The following EEFSEC variants were observed in gnomAD, a reference collection of about 807,000 sequenced individuals.
EEFSEC encodes eukaryotic elongation factor, selenocysteine-tRNA specific, also known as selenocysteine-specific elongation factor.
EEFSEC carries 43 observed loss-of-function variants against 42.1 expected under a neutral mutation model. The observed-to-expected ratio is 1.02, with a 90% CI of 0.80 to 1.32. EEFSEC has a LOEUF of 1.32. Ranked by LOEUF, EEFSEC falls within the 40% of genes most tolerant of loss-of-function variation. The probability of loss-of-function intolerance (pLI) is 0.00; values close to 1 mark genes in which losing one functional copy is unlikely to be tolerated. For missense variants in EEFSEC, 745 were observed against 803.6 expected (o/e 0.93, Z 0.88); for synonymous variants, 354 against 339.1 (o/e 1.04, Z -0.48).
intron 4 of EEFSEC, among the ~76,000 whole-genome samples, chr3:128,322,401 C>T (rs543065566): frequency 3.9e-5 from 6 of 152,230 alleles, no homozygotes; most frequent in Non-Finnish European, 7.3e-5. Context: ...TTACTGCTGC[C>T]GACATCATCA....
intron 1 of EEFSEC, among the ~76,000 whole-genome samples, chr3:128,193,388 C>G (rs2065547617): frequency 6.6e-6 from 1 of 152,220 alleles, no homozygotes; most frequent in South Asian, 2.1e-4. Flanking sequence ...GCAGAGCAGG[C>G]TCCTGTGGCT....
chr3:128,338,700 G>A (rs867650963), intron 4 of EEFSEC, among the ~76,000 whole-genome samples: 1 of 152,236 alleles, frequency 6.6e-6, no homozygotes, highest in African/African-American at 2.4e-5. Flanking sequence ...CGAAAAGGCT[G>A]TGGAGTTGGG....
intron 6 of EEFSEC, among the ~76,000 whole-genome samples, chr3:128,395,492 A>C (rs1286949978): frequency 6.6e-6 from 1 of 151,904 alleles, no homozygotes; most frequent in Non-Finnish European, 1.5e-5. Flanking sequence ...AGGGCTTTTC[A>C]CTGCTGTCAT....
chr3:128,306,197 C>G (rs2066824907), intron 4 of EEFSEC, among the ~76,000 whole-genome samples: 1 of 152,008 alleles, frequency 6.6e-6, no homozygotes, highest in Admixed American at 6.6e-5. Flanking sequence ...TGTAAATGAT[C>G]CAACGGCTTT....
At chr3:128,250,740 A>C (rs960826923) in intron 2 of EEFSEC, among the ~76,000 whole-genome samples, 1 of 152,074 alleles carries the variant, frequency 6.6e-6, no homozygotes, top group Non-Finnish European at 1.5e-5. Flanking sequence ...GTTCCACATG[A>C]ATTTGAGAAT....
At position 128,297,685 on chromosome 3, in the gene EEFSEC, G is replaced by A. The variant is rs371854009; in HGVS notation, c.786+32904G>A. Among the ~76,000 whole-genome samples the A allele has an allele frequency of 9.2e-5, 14 of 152,270 alleles. No individual in the cohort carries two copies. In the East Asian group the frequency reaches 2.5e-3, roughly 27 times the overall value. On this transcript the variant is annotated intron_variant, in intron 4 of 6. Coordinates refer to ENST00000254730, the MANE Select transcript of EEFSEC (RefSeq NM_021937.5). Reference sequence around the variant, plus strand: ...TCTTGTGCAGCCTGCCCTTGATTCTGGGCTCCAGTTGCATGCCTTGTTCCC... The same window carrying A: ...TCTTGTGCAGCCTGCCCTTGATTCTAGGCTCCAGTTGCATGCCTTGTTCCC...
chr3:128,355,748 T>C (rs1161618180), intron 5 of EEFSEC, among the ~76,000 whole-genome samples: 2 of 152,188 alleles, frequency 1.3e-5, no homozygotes, highest in African/African-American at 4.8e-5. Flanking sequence ...GCAGGGAATG[T>C]AGCTATGGAG....
intron 4 of EEFSEC, among the ~76,000 whole-genome samples, chr3:128,309,742 T>C (rs2066870850): frequency 6.6e-6 from 1 of 152,164 alleles, no homozygotes; most frequent in African/African-American, 2.4e-5. Context: ...CCCCTACTCC[T>C]TCAGGTGTGG....
chr3:128,219,662 T>A (rs1249808266), intron 1 of EEFSEC, among the ~76,000 whole-genome samples: 2 of 152,222 alleles, frequency 1.3e-5, no homozygotes, highest in Non-Finnish European at 2.9e-5. Context: ...AAATATTTAT[T>A]CATTATTTGT....
chr3:128,327,408 C>G lies in EEFSEC; in HGVS notation c.787-13825C>G, dbSNP rs190781420. Among the ~76,000 whole-genome samples, 521 of 151,000 alleles carry G rather than the reference C, an allele frequency of 3.5e-3. 4 individuals carry two copies. The highest frequency in any genetic ancestry group is 0.012 in the African/African-American group (487 of 41,156). On this transcript the variant is annotated intron_variant, in intron 4 of 6. Transcript: ENST00000254730. ...GCCTCCCTCATAATACTTTCATATT[C>G]TAATGAAATATGAATACACATCATA...
At chr3:128,247,765 G>A (rs1266316036) in intron 2 of EEFSEC, among the ~76,000 whole-genome samples, 1 of 152,168 alleles carries the variant, frequency 6.6e-6, no homozygotes, top group African/African-American at 2.4e-5. Flanking sequence ...GGCATGGTGA[G>A]GAGGACCCAG....
chr3:128,248,524 C>T (rs1332293683), intron 2 of EEFSEC, among the ~76,000 whole-genome samples: 1 of 152,190 alleles, frequency 6.6e-6, no homozygotes, highest in African/African-American at 2.4e-5. Context: ...ATAAGTGTTG[C>T]ATAAGAATTC....
At chr3:128,411,512 A>T (rs557570257), downstream of EEFSEC, among the ~76,000 whole-genome samples, 3 of 151,640 alleles carry the variant, frequency 2.0e-5, no homozygotes, top group Non-Finnish European at 4.4e-5. Context: ...CTTGGAAAAG[A>T]GGTGCCCTCT....
intron 5 of EEFSEC, among the ~76,000 whole-genome samples, chr3:128,355,426 C>T (rs541034026): frequency 1.3e-4 from 20 of 152,084 alleles, no homozygotes; most frequent in African/African-American, 4.1e-4. Flanking sequence ...GAGCACCACA[C>T]AGGCGGGGAG....
chr3:128,242,943 A>T (rs1293719620), intron 1 of EEFSEC, among the ~76,000 whole-genome samples: 1 of 152,190 alleles, frequency 6.6e-6, no homozygotes, highest in Non-Finnish European at 1.5e-5. Flanking sequence ...GGGAATTGGG[A>T]AGGACACTGT....
intron 5 of EEFSEC, among the ~76,000 whole-genome samples, chr3:128,345,210 G>A (rs1197966287): frequency 6.6e-6 from 1 of 152,202 alleles, no homozygotes; most frequent in East Asian, 1.9e-4. Flanking sequence ...TGAGATCAGT[G>A]CTTGTCTCCT....
intron 1 of EEFSEC, among the ~76,000 whole-genome samples, chr3:128,212,315 T>A (rs188926459): frequency 3.0e-4 from 46 of 152,318 alleles, no homozygotes; most frequent in Admixed American, 2.9e-3. Context: ...ATCAGAGGTG[T>A]TCCTGCCACT....
chr3:128,361,435 C>T (rs1307919186), intron 6 of EEFSEC, among the ~76,000 whole-genome samples: 1 of 152,208 alleles, frequency 6.6e-6, no homozygotes, highest in East Asian at 1.9e-4. Flanking sequence ...ACTGTCTGTG[C>T]TAAACAAAGC....
rs183724769 is a variant in EEFSEC, at chr3:128,275,170, G to A, written c.786+10389G>A. Among the ~76,000 whole-genome samples, 27 of 152,282 alleles carry A rather than the reference G, an allele frequency of 1.8e-4. No individual in the cohort carries two copies. The East Asian group carries it at 4.2e-3, about 24-fold the overall frequency. On this transcript the variant is annotated intron_variant, in intron 4 of 6. Coordinates refer to ENST00000254730, the MANE Select transcript of EEFSEC (RefSeq NM_021937.5). Reference sequence around the variant, plus strand: ...GGACCTCGATACTGGGGCCCAAAGCGGTTTCCTCTCCTGGGAAATGGGTGC... The same window carrying A: ...GGACCTCGATACTGGGGCCCAAAGCAGTTTCCTCTCCTGGGAAATGGGTGC...
Sources: gnomAD v4.1 joint callset for allele counts (sites outside exome capture counted in the v4.1 genomes callset) on GRCh38, gnomAD v4.1.1 for gene constraint, MANE v1.5 for transcripts, NCBI Gene and HGNC (gene_info 2026-07-23, HGNC 2026-07-21) for gene names.